Variants in GCNT1 observed in about 807,000 individuals in gnomAD.
GCNT1 encodes the protein glucosaminyl (N-acetyl) transferase 1.
A neutral mutation model predicts 26.2 loss-of-function variants in GCNT1; 16 were observed. The ratio of observed to expected loss-of-function variants is 0.61; its 90% CI spans 0.41 to 0.93. The LOEUF is 0.93. Ranked by LOEUF, GCNT1 falls within the 40% of genes least tolerant of loss-of-function variation. The pLI, the probability that GCNT1 is intolerant of heterozygous loss-of-function variation, is 0.00. For missense variants in GCNT1, 477 were observed against 526.7 expected, an observed-to-expected ratio of 0.91 and a Z score of 0.92; for synonymous variants, 183 against 190.8, an observed-to-expected ratio of 0.96 and a Z score of 0.34.
At chr9:76,406,972 C>T in the GCNT1 span, among the ~76,000 whole-genome samples, 1 of 152,094 alleles carries the variant, frequency 6.6e-6, no homozygotes, top group African/African-American at 2.4e-5. Flanking sequence ...ACCCCAGAGG[C>T]AGAGGTTGCA....
chr9:76,427,079 T>A (rs1267262719), intron 1 of GCNT1, among the ~76,000 whole-genome samples: 1 of 152,046 alleles, frequency 6.6e-6, no homozygotes, highest in Non-Finnish European at 1.5e-5. Flanking sequence ...TATCCTTATA[T>A]GACAAAGAAA....
chr9:76,412,177 G>C, the GCNT1 span, among the ~76,000 whole-genome samples: 1 of 152,182 alleles, frequency 6.6e-6, no homozygotes, highest in South Asian at 2.1e-4. Flanking sequence ...TTATTGTGTA[G>C]TGCATTTCAC....
Position 76,503,708 on chromosome 9 carries a change from A to T in GCNT1, c.*40A>T. On this transcript the variant is annotated 3_prime_UTR_variant, in exon 4 of 4. Coordinates refer to ENST00000376730, the MANE Select transcript of GCNT1 (RefSeq NM_001490.5). ...TTTATGAACAAGAAGAAGGATACAC[A>T]AAACGTACCCTTATCTGTTTCCCCT... The T allele has an allele frequency of 6.8e-7, 1 of 1,466,120 alleles. No individual in the cohort carries two copies. The highest frequency in any genetic ancestry group is 9.4e-7 in the Non-Finnish European group (1 of 1,059,588). The allele number at this position is 1,466,120 out of a possible 1,614,324, so 90.8% of individuals were successfully genotyped here.
the GCNT1 span, among the ~76,000 whole-genome samples, chr9:76,413,324 A>G: frequency 6.6e-6 from 1 of 152,228 alleles, no homozygotes; most frequent in Non-Finnish European, 1.5e-5. Context: ...GTCACAGGTC[A>G]GACACTTAGA....
Position 76,494,751 on chromosome 9 carries a change from C to G in GCNT1, c.-289-6165C>G, listed in dbSNP as rs748351978. Among the ~76,000 whole-genome samples, 69 of 152,080 alleles carry G rather than the reference C, an allele frequency of 4.5e-4. 1 individual carries two copies. Among genetic ancestry groups the G allele is most frequent in the Non-Finnish European group, 7.5e-4 (51 of 68,022 alleles). On this transcript the variant is annotated intron_variant, in intron 2 of 3. Coordinates refer to ENST00000376730, the MANE Select transcript of GCNT1 (RefSeq NM_001490.5). ...AAGTTTGTCTGACAGGCTTTAGGAGCCAGGAGGCAAGGGTCAGGATAGATA... is the reference window on the plus strand; with the variant it reads ...AAGTTTGTCTGACAGGCTTTAGGAGGCAGGAGGCAAGGGTCAGGATAGATA...
upstream of GCNT1, among the ~76,000 whole-genome samples, chr9:76,438,340 G>C (rs1370273573): frequency 6.6e-6 from 1 of 152,212 alleles, no homozygotes; most frequent in Non-Finnish European, 1.5e-5. Context: ...CTGATTGAAA[G>C]AGTTATCAGT....
chr9:76,399,865 T>C, the GCNT1 span, among the ~76,000 whole-genome samples: 3 of 152,220 alleles, frequency 2.0e-5, no homozygotes, highest in Non-Finnish European at 4.4e-5. Flanking sequence ...CAAGCTGTTG[T>C]ATATCCATAT....
the GCNT1 span, among the ~76,000 whole-genome samples, chr9:76,409,488 C>G: frequency 6.6e-6 from 1 of 151,998 alleles, no homozygotes; most frequent in African/African-American, 2.4e-5. Context: ...CTGTATCACC[C>G]AGCCCAGAGT....
chr9:76,421,586 G>A (rs1443209605), intron 1 of GCNT1, among the ~76,000 whole-genome samples: 2 of 106,664 alleles, frequency 1.9e-5, no homozygotes, highest in African/African-American at 7.5e-5. Flanking sequence ...GGATGAGAGA[G>A]CAAGGCCCTG....
intron 2 of GCNT1, among the ~76,000 whole-genome samples, chr9:76,476,685 G>A (rs1353958821): frequency 2.0e-5 from 3 of 152,108 alleles, no homozygotes; most frequent in Non-Finnish European, 4.4e-5. Context: ...ACTGTGTTTC[G>A]CTGTTACTTA....
intron 2 of GCNT1, among the ~76,000 whole-genome samples, chr9:76,492,532 T>G (rs1175930591): frequency 6.6e-6 from 1 of 150,722 alleles, no homozygotes; most frequent in African/African-American, 2.4e-5. Flanking sequence ...AGTGGTTAAA[T>G]GTACCCGGGG....
chr9:76,446,948 A>G (rs1052089818), intron 1 of GCNT1, among the ~76,000 whole-genome samples: 1 of 151,996 alleles, frequency 6.6e-6, no homozygotes, highest in Non-Finnish European at 1.5e-5. Context: ...CGAGTCCAGG[A>G]GTTTGAGGCC....
At chr9:76,415,079 G>T (rs1301950279), upstream of GCNT1, among the ~76,000 whole-genome samples, 1 of 151,564 alleles carries the variant, frequency 6.6e-6, no homozygotes, top group Non-Finnish European at 1.5e-5. Context: ...TTTTCCTTGA[G>T]ACAGAGTCTC....
At chr9:76,443,584 C>T (rs992070492) in intron 1 of GCNT1, among the ~76,000 whole-genome samples, 9 of 152,326 alleles carry the variant, frequency 5.9e-5, no homozygotes, top group South Asian at 2.1e-4. Context: ...TTCCGGTAAA[C>T]CCACAACCTT....
chr9:76,424,877 C>G (rs1026375510), intron 1 of GCNT1, among the ~76,000 whole-genome samples: 2 of 152,140 alleles, frequency 1.3e-5, no homozygotes, highest in African/African-American at 4.8e-5. Flanking sequence ...TGGTGGCTCA[C>G]GCCTGTAATC....
intron 1 of GCNT1, among the ~76,000 whole-genome samples, chr9:76,426,193 G>A (rs1001284677): frequency 1.3e-5 from 2 of 152,264 alleles, no homozygotes; most frequent in Non-Finnish European, 2.9e-5. Flanking sequence ...AAGTTAGTTC[G>A]TCCTGCGCTC....
At chr9:76,425,380 G>A (rs927309463) in intron 1 of GCNT1, among the ~76,000 whole-genome samples, 3 of 151,742 alleles carry the variant, frequency 2.0e-5, no homozygotes, top group Admixed American at 6.6e-5. Context: ...CCGCCAACAC[G>A]CCCGTCTAAT....
chr9:76,490,834 G>A (rs1056969744), intron 2 of GCNT1, among the ~76,000 whole-genome samples: 3 of 152,164 alleles, frequency 2.0e-5, no homozygotes, highest in African/African-American at 7.2e-5. Context: ...GTTCCTCCTA[G>A]GTCAGACCTT....
At chr9:76,395,288 A>T in the GCNT1 span, among the ~76,000 whole-genome samples, 4 of 152,178 alleles carry the variant, frequency 2.6e-5, no homozygotes, top group Non-Finnish European at 4.4e-5. Flanking sequence ...TTATTTTTTT[A>T]AATTTTTAAT....
Sources: allele counts gnomAD v4.1 joint callset (sites outside exome capture counted in the v4.1 genomes callset), GRCh38; gene constraint gnomAD v4.1.1; transcripts MANE v1.5; gene names NCBI Gene and HGNC (gene_info 2026-07-23, HGNC 2026-07-21).